Variants in ASCC3 observed in about 807,000 individuals in gnomAD.
ASCC3 encodes the protein ASC-1 complex subunit P200.
A neutral mutation model predicts 256.3 loss-of-function variants in ASCC3; 158 were observed. The ratio of observed to expected loss-of-function variants is 0.62; its 90% confidence interval spans 0.54 to 0.70. The LOEUF (loss-of-function observed/expected upper bound fraction) is 0.70, where lower values mean the gene tolerates loss of function less well. ASCC3 is among the 30% of genes least tolerant of loss of function. ASCC3 has a pLI of 0.00. For missense variants in ASCC3, 2,259 were observed against 2,626.0 expected, an observed-to-expected ratio of 0.86 and a Z score of 3.05; for synonymous variants, 948 against 883.4, an observed-to-expected ratio of 1.07 and a Z score of -1.30.
chr6:100,789,061 C>CA (rs1769224861), intron 8 of ASCC3, among the ~76,000 whole-genome samples: 1 of 146,968 alleles, frequency 6.8e-6, no homozygotes, highest in Non-Finnish European at 1.5e-5. Flanking sequence ...AAAAACAAAA[C>CA]AAAAAATAAA....
chr6:100,557,902 C>T (rs74597748), intron 36 of ASCC3, among the ~76,000 whole-genome samples: 12 of 149,416 alleles, frequency 8.0e-5, no homozygotes, highest in African/African-American at 3.0e-4. Flanking sequence ...TCACCCCCCC[C>T]AAAAAAATGT....
rs1176206776 is a variant in ASCC3, at chr6:100,696,880, A to G, written c.2152-17128T>C. ...GTCCTTTTATATTATTTAATTTGAC[A>G]ATTATATATGTGTATACATATTAAA... On this transcript the variant is annotated intron_variant, in intron 13 of 41. Coordinates refer to ENST00000369162, the MANE Select transcript of ASCC3 (RefSeq NM_006828.4). 2.0e-5 allele frequency among the ~76,000 whole-genome samples: 3 copies of G among 152,212 alleles called. No homozygotes were observed. The East Asian group carries it at 5.8e-4, about 29-fold the overall frequency.
At chr6:100,584,963 G>A (rs1175147314) in intron 36 of ASCC3, among the ~76,000 whole-genome samples, 2 of 152,114 alleles carry the variant, frequency 1.3e-5, no homozygotes, top group Non-Finnish European at 2.9e-5. Flanking sequence ...TTAGTCTGAT[G>A]GGCTTCCCTT....
At chr6:100,533,503 G>A (rs1015885040) in intron 37 of ASCC3, among the ~76,000 whole-genome samples, 34 of 152,134 alleles carry the variant, frequency 2.2e-4, no homozygotes, top group African/African-American at 8.2e-4. Context: ...GTAGGCTGCA[G>A]GCTTGATAAC....
At chr6:100,595,227 G>A (rs1334356899) in intron 34 of ASCC3, among the ~76,000 whole-genome samples, 1 of 152,066 alleles carries the variant, frequency 6.6e-6, no homozygotes, top group African/African-American at 2.4e-5. Flanking sequence ...GAAATGATAA[G>A]CATGTGAAGT....
At chr6:100,829,349 C>T (rs534302949) in intron 4 of ASCC3, among the ~76,000 whole-genome samples, 18 of 151,882 alleles carry the variant, frequency 1.2e-4, no homozygotes, top group African/African-American at 4.1e-4. Context: ...TCAGGCATGG[C>T]GGGCTGCAGG....
At chr6:100,834,490 T>C (rs907089245) in intron 4 of ASCC3, among the ~76,000 whole-genome samples, 2 of 152,092 alleles carry the variant, frequency 1.3e-5, no homozygotes, top group East Asian at 3.9e-4. Context: ...AAGGAACACA[T>C]GCTGTATGAT....
chr6:100,621,015 G>C (rs1304291197), intron 30 of ASCC3, among the ~76,000 whole-genome samples: 1 of 152,092 alleles, frequency 6.6e-6, no homozygotes, highest in Admixed American at 6.6e-5. Flanking sequence ...TTTAGAATCA[G>C]TACTAAAACA....
At chr6:100,838,265 TAA>T (rs1047663909) in intron 4 of ASCC3, among the ~76,000 whole-genome samples, 1 of 151,960 alleles carries the variant, frequency 6.6e-6, no homozygotes, top group African/African-American at 2.4e-5. Flanking sequence ...TGAAGTATAA[TAA>T]GAGAAGAAAA....
chr6:100,581,941 A>G (rs1463218965), intron 36 of ASCC3, among the ~76,000 whole-genome samples: 2 of 151,860 alleles, frequency 1.3e-5, no homozygotes, highest in African/African-American at 4.8e-5. Flanking sequence ...CCATTGATCT[A>G]TATCTCTGTT....
chr6:100,559,188 C>T (rs1327625600), intron 36 of ASCC3, among the ~76,000 whole-genome samples: 1 of 152,202 alleles, frequency 6.6e-6, no homozygotes, highest in East Asian at 1.9e-4. Flanking sequence ...ACTCAACATA[C>T]TGTGAAACTT....
chr6:100,775,154 G>A (rs1782126169), intron 8 of ASCC3, among the ~76,000 whole-genome samples: 1 of 152,022 alleles, frequency 6.6e-6, no homozygotes, highest in South Asian at 2.1e-4. Context: ...ATGTAACTGT[G>A]ACCAAAAGCG....
In ASCC3 at chr6:100,661,786, T is replaced by G. The variant is rs1776233406; in HGVS notation, c.2703+20A>C. 6.2e-7 allele frequency: 1 copy of G among 1,606,984 alleles called. No homozygotes were observed. Among genetic ancestry groups the G allele is most frequent in the Non-Finnish European group, 8.5e-7 (1 of 1,173,960 alleles). On this transcript the variant is annotated intron_variant, in intron 16 of 41. Transcript: ENST00000369162. ...TAAGGCTGATGATTCTATTCCAAAC[T>G]TTTACTCATTAGATCTTACCTCTGC...
At chr6:100,712,677 G>C (rs1189200588) in intron 13 of ASCC3, among the ~76,000 whole-genome samples, 3 of 151,432 alleles carry the variant, frequency 2.0e-5, no homozygotes, top group Admixed American at 2.0e-4. Context: ...AATGGTATAG[G>C]TATTTTGGAA....
In ASCC3 at chr6:100,725,548, A is replaced by T; in HGVS notation, c.1893T>A (p.Thr631=). Residue 631 remains threonine, a synonymous_variant, in exon 11 of 42, where the codon ACT becomes ACA. Transcript: ENST00000369162. ...GPVLESIVAR[T]LRQVESTQSM... is the part of the protein sequence containing the mutation. Reference sequence around the variant, plus strand: ...CATAACTTCCTCTTACCTGCCGTAAAGTACGGGCAACTATGCTTTCTAATA... The same window carrying T: ...CATAACTTCCTCTTACCTGCCGTAATGTACGGGCAACTATGCTTTCTAATA... The T allele has an allele frequency of 6.2e-7, 1 of 1,612,400 alleles. No individual in the cohort carries two copies. The highest frequency in any genetic ancestry group is 8.5e-7 in the Non-Finnish European group (1 of 1,178,808).
intron 3 of ASCC3, among the ~76,000 whole-genome samples, chr6:100,849,884 G>A (rs1225147350): frequency 6.6e-6 from 1 of 151,974 alleles, no homozygotes; most frequent in Non-Finnish European, 1.5e-5. Flanking sequence ...TGGATCACCT[G>A]AGGTCAGCAG....
intron 36 of ASCC3, among the ~76,000 whole-genome samples, chr6:100,577,751 C>T (rs1770950512): frequency 1.3e-5 from 2 of 151,980 alleles, no homozygotes; most frequent in African/African-American, 4.8e-5. Flanking sequence ...CCCACACACA[C>T]ACACACACTC....
At chr6:100,878,705 C>A (rs1175332364) in intron 1 of ASCC3, among the ~76,000 whole-genome samples, 1 of 152,176 alleles carries the variant, frequency 6.6e-6, no homozygotes, top group South Asian at 2.1e-4. Flanking sequence ...CTCTGGGAGG[C>A]AGACTGAAGG....
At chr6:100,836,907 C>T (rs1562333052) in intron 4 of ASCC3, among the ~76,000 whole-genome samples, 1 of 152,084 alleles carries the variant, frequency 6.6e-6, no homozygotes, top group East Asian at 1.9e-4. Flanking sequence ...CTGATTTCAT[C>T]TCATTACTTG....
Sources: gnomAD v4.1 joint callset for allele counts (sites outside exome capture counted in the v4.1 genomes callset) on GRCh38, gnomAD v4.1.1 for gene constraint, MANE v1.5 for transcripts, NCBI Gene and HGNC (gene_info 2026-07-23, HGNC 2026-07-21) for gene names.